EYA1: variants seen among roughly 807,000 people sequenced by gnomAD.
EYA1 encodes the protein protein phosphatase EYA1.
Under a neutral mutation model 82.0 loss-of-function variants are expected in EYA1, and 16 were observed. The observed-to-expected ratio is 0.20, with a 90% CI of 0.13 to 0.30. The LOEUF (loss-of-function observed/expected upper bound fraction) is 0.30. Ranked by LOEUF, EYA1 falls within the 10% of genes least tolerant of loss-of-function variation. The pLI, the probability that EYA1 is intolerant of heterozygous loss-of-function variation, is 1.00. For missense variants in EYA1, 633 were observed against 730.7 expected (o/e 0.87, Z 1.54); for synonymous variants, 261 against 264.4 (o/e 0.99, Z 0.12).
intron 2 of EYA1, among the ~76,000 whole-genome samples, chr8:71,462,679 G>A (rs1387559499): frequency 2.0e-5 from 3 of 152,194 alleles, no homozygotes; most frequent in Non-Finnish European, 4.4e-5. Flanking sequence ...CCTTCTCCCT[G>A]TGCCCTCCAG....
chr8:71,312,323 G>A lies in EYA1; in HGVS notation c.556+5229C>T, dbSNP rs142924520. Among the ~76,000 whole-genome samples, 641 of 152,308 alleles carry A rather than the reference G, an allele frequency of 4.2e-3. 2 individuals are homozygous for A. The highest frequency in any genetic ancestry group is 0.014 in the African/African-American group (602 of 41,566). On this transcript the variant is annotated intron_variant, in intron 7 of 17. Transcript: ENST00000340726. ...GTAATTTAGGTGTATGTACAACAAC[G>A]AGGTCTGACAGTTCTAAGCCATTCT...
chr8:71,522,367 C>T (rs1813468338), intron 2 of EYA1, among the ~76,000 whole-genome samples: 1 of 152,126 alleles, frequency 6.6e-6, no homozygotes, highest in African/African-American at 2.4e-5. Context: ...TAGATTATCA[C>T]CAAGCAGTAA....
intron 2 of EYA1, among the ~76,000 whole-genome samples, chr8:71,392,162 T>C (rs1829314203): frequency 6.6e-6 from 1 of 152,178 alleles, no homozygotes; most frequent in Non-Finnish European, 1.5e-5. Context: ...TAAGTTTTAG[T>C]GGAGGGAACC....
At chr8:71,527,923 T>C (rs769892932) in intron 2 of EYA1, among the ~76,000 whole-genome samples, 1 of 152,178 alleles carries the variant, frequency 6.6e-6, no homozygotes, top group Non-Finnish European at 1.5e-5. Flanking sequence ...GGCTTTCTTA[T>C]TGTAGCTCAC....
Position 71,413,939 on chromosome 8 carries a change from G to A in EYA1, c.34-57428C>T, listed in dbSNP as rs1029743040. Among the ~76,000 whole-genome samples the A allele has an allele frequency of 3.3e-5, 5 of 152,254 alleles. No individual in the cohort carries two copies. The East Asian group carries it at 9.6e-4, about 29-fold the overall frequency. On this transcript the variant is annotated intron_variant, in intron 2 of 18. Coordinates refer to the EYA1 transcript ENST00000643681. Reference sequence around the variant, plus strand: ...CAAGTGTCACAAGCTGGGTTTCCTAGAAGGTAGAATCTAAGACAATTAGCA... The same window carrying A: ...CAAGTGTCACAAGCTGGGTTTCCTAAAAGGTAGAATCTAAGACAATTAGCA...
chr8:71,454,105 A>G (rs1563629904), intron 2 of EYA1, among the ~76,000 whole-genome samples: 1 of 152,300 alleles, frequency 6.6e-6, no homozygotes. Flanking sequence ...AACAAAAAAA[A>G]GCAGGGGTTA....
Position 71,311,931 on chromosome 8 carries a change from C to A in EYA1, c.556+5621G>T, listed in dbSNP as rs1268003679. Among the ~76,000 whole-genome samples, 5 of 152,248 alleles carry A rather than the reference C, an allele frequency of 3.3e-5. No homozygotes were observed. In the East Asian group the frequency reaches 9.7e-4, roughly 29 times the overall value. Reference sequence around the variant, plus strand: ...GTCAGATTCACAGAAGCCTGCTTGGCAGGACAGAAGTGTTGAAAGTTGGAG... The same window carrying A: ...GTCAGATTCACAGAAGCCTGCTTGGAAGGACAGAAGTGTTGAAAGTTGGAG... On this transcript the variant is annotated intron_variant, in intron 7 of 17. Coordinates refer to ENST00000340726, the MANE Select transcript of EYA1 (RefSeq NM_000503.6).
chr8:71,268,951 A>C (rs947994824), intron 11 of EYA1, among the ~76,000 whole-genome samples: 1 of 152,254 alleles, frequency 6.6e-6, no homozygotes, highest in African/African-American at 2.4e-5. Flanking sequence ...AATAACTTAA[A>C]AAAACCTAAG....
chr8:71,369,032 C>CGA (rs767396845), intron 2 of EYA1, among the ~76,000 whole-genome samples: 18 of 112,830 alleles, frequency 1.6e-4, no homozygotes, highest in Non-Finnish European at 2.4e-4. Context: ...ACTAAAAATA[C>CGA]AAAAAAAAAA....
chr8:71,452,218 G>A (rs889246423), intron 2 of EYA1, among the ~76,000 whole-genome samples: 6 of 152,196 alleles, frequency 3.9e-5, no homozygotes, highest in Admixed American at 1.3e-4. Flanking sequence ...GGCAAGGCTG[G>A]GGAAGGGGCG....
chr8:71,201,016 C>G (rs1806929234), intron 17 of EYA1, among the ~76,000 whole-genome samples: 1 of 143,012 alleles, frequency 7.0e-6, no homozygotes, highest in South Asian at 2.4e-4. Flanking sequence ...TGTTGGCATA[C>G]TAGATGGGTA....
rs564562473 is a variant in EYA1, at chr8:71,515,589, T to A, written c.33+20155A>T. On this transcript the variant is annotated intron_variant, in intron 2 of 18. Transcript: ENST00000643681. Reference sequence around the variant, plus strand: ...CCAAGTCTAGTATTGTTCAAATAAATGATGGGAAACATAGAAAACTATGTA... The same window carrying A: ...CCAAGTCTAGTATTGTTCAAATAAAAGATGGGAAACATAGAAAACTATGTA... Among the ~76,000 whole-genome samples, 3 of 152,200 alleles carry A rather than the reference T, an allele frequency of 2.0e-5. 1 individual carries two copies. In the South Asian group the frequency reaches 6.2e-4, roughly 32 times the overall value.
chr8:71,425,831 A>G (rs998057468), intron 2 of EYA1, among the ~76,000 whole-genome samples: 2 of 152,198 alleles, frequency 1.3e-5, no homozygotes, highest in African/African-American at 2.4e-5. Flanking sequence ...CAGGGAACCA[A>G]TGGACAAGCC....
At chr8:71,445,927 A>G (rs1247138765) in intron 2 of EYA1, among the ~76,000 whole-genome samples, 1 of 151,992 alleles carries the variant, frequency 6.6e-6, no homozygotes, top group African/African-American at 2.4e-5. Flanking sequence ...CCTCCTTTCT[A>G]CTCTTATTTG....
intron 2 of EYA1, among the ~76,000 whole-genome samples, chr8:71,415,867 G>C (rs2129144600): frequency 6.6e-6 from 1 of 152,324 alleles, no homozygotes; most frequent in East Asian, 1.9e-4. Context: ...ATAAATAGCA[G>C]GATGTTTTTA....
chr8:71,525,884 C>T (rs1398538506), intron 2 of EYA1, among the ~76,000 whole-genome samples: 2 of 152,172 alleles, frequency 1.3e-5, no homozygotes, highest in Non-Finnish European at 2.9e-5. Context: ...TGTACTTATT[C>T]ACTCATTCAA....
chr8:71,476,273 T>G (rs1040495319), intron 2 of EYA1, among the ~76,000 whole-genome samples: 1 of 152,132 alleles, frequency 6.6e-6, no homozygotes, highest in Admixed American at 6.5e-5. Context: ...TCTAAAGCAC[T>G]TTTTCCTCTA....
Position 71,535,318 on chromosome 8 carries a change from T to G in EYA1, c.33+426A>C, listed in dbSNP as rs118032101. On this transcript the variant is annotated intron_variant, in intron 2 of 18. Coordinates refer to the EYA1 transcript ENST00000643681. Reference sequence around the variant, plus strand: ...GAGTTCATCAAACTGTGAAACTTCTTCACTAAAAACCTATTTTGAAGACAC... The same window carrying G: ...GAGTTCATCAAACTGTGAAACTTCTGCACTAAAAACCTATTTTGAAGACAC... 8.2e-3 allele frequency among the ~76,000 whole-genome samples: 1,245 copies of G among 152,310 alleles called. 28 individuals carry two copies. Among genetic ancestry groups the G allele is most frequent in the Admixed American group, 0.043 (655 of 15,302 alleles).
Position 71,355,054 on chromosome 8 carries a change from C to T in EYA1, c.-4-145G>A, listed in dbSNP as rs1174867945. The T allele has an allele frequency of 1.3e-5, 11 of 823,532 alleles. No individual in the cohort carries two copies. The East Asian group carries it at 2.7e-4, about 20-fold the overall frequency. The allele number at this position is 823,532 out of a possible 1,614,324, so 51.0% of individuals were successfully genotyped here. On this transcript the variant is annotated intron_variant, in intron 2 of 17. Coordinates refer to ENST00000340726, the MANE Select transcript of EYA1 (RefSeq NM_000503.6). The stretch of plus-strand genomic sequence containing the variant: ...CTTAGACTCAAAATAATTCATCTCA[C>T]ATTTTGACTTCAGGTATCCCTTCAT...
Sources: gnomAD v4.1 joint callset for allele counts (sites outside exome capture counted in the v4.1 genomes callset) on GRCh38, gnomAD v4.1.1 for gene constraint, MANE v1.5 for transcripts, NCBI Gene and HGNC (gene_info 2026-07-23, HGNC 2026-07-21) for gene names.